The following ERC1 variants were observed in gnomAD, a reference collection of about 807,000 sequenced individuals.
ERC1 encodes the protein ELKS/RAB6-interacting/CAST family member 1, also known as RAB6 interacting protein 2.
ERC1 carries 56 observed loss-of-function variants against 132.0 expected under a neutral mutation model. The observed-to-expected ratio is 0.42, with a 90% CI of 0.34 to 0.53. ERC1 has a LOEUF of 0.53. ERC1 is among the 20% of genes least tolerant of loss of function. The pLI is 0.03. For missense variants in ERC1, 1,202 were observed against 1,349.9 expected (o/e 0.89, Z 1.72); for synonymous variants, 478 against 476.1 (o/e 1.00, Z -0.05).
At chr12:1,324,185 T>C (rs1325951780) in intron 15 of ERC1, among the ~76,000 whole-genome samples, 1 of 152,236 alleles carries the variant, frequency 6.6e-6, no homozygotes, top group East Asian at 1.9e-4. Context: ...CGTATCCGTC[T>C]ATTCTGGATT....
intron 2 of ERC1, among the ~76,000 whole-genome samples, chr12:1,074,581 C>A (rs984283030): frequency 6.6e-6 from 1 of 152,168 alleles, no homozygotes; most frequent in Non-Finnish European, 1.5e-5. Context: ...CAGGCATGAG[C>A]CACTGCACCC....
intron 12 of ERC1, among the ~76,000 whole-genome samples, chr12:1,205,431 A>G (rs1316794950): frequency 6.7e-6 from 1 of 150,166 alleles, no homozygotes; most frequent in Non-Finnish European, 1.5e-5. Flanking sequence ...ATATATATAG[A>G]TATATATTTG....
intron 15 of ERC1, among the ~76,000 whole-genome samples, chr12:1,304,421 A>C (rs2080673360): frequency 6.6e-6 from 1 of 152,200 alleles, no homozygotes; most frequent in African/African-American, 2.4e-5. Flanking sequence ...GTCCCGTGCC[A>C]AGTCATTGAG....
At chr12:1,379,337 A>G (rs1266107056) in intron 16 of ERC1, among the ~76,000 whole-genome samples, 1 of 152,202 alleles carries the variant, frequency 6.6e-6, no homozygotes, top group Non-Finnish European at 1.5e-5. Flanking sequence ...CTGCATATCA[A>G]GGATCCCAGT....
At chr12:1,187,271 A>G (rs1955202411) in intron 11 of ERC1, among the ~76,000 whole-genome samples, 1 of 152,188 alleles carries the variant, frequency 6.6e-6, no homozygotes, top group African/African-American at 2.4e-5. Flanking sequence ...TAAAGTACAA[A>G]TTAACTCAGC....
intron 13 of ERC1, among the ~76,000 whole-genome samples, chr12:1,247,007 T>C (rs974571636): frequency 6.6e-6 from 1 of 152,160 alleles, no homozygotes; most frequent in Admixed American, 6.5e-5. Context: ...TGCATACCTA[T>C]AGTCCCAGCT....
intron 2 of ERC1, among the ~76,000 whole-genome samples, chr12:1,069,631 G>A (rs1939958250): frequency 6.6e-6 from 1 of 152,142 alleles, no homozygotes; most frequent in African/African-American, 2.4e-5. Flanking sequence ...TAGGGCAGAT[G>A]TATTTTGGAA....
chr12:1,277,567 A>G (rs973151649), intron 14 of ERC1, among the ~76,000 whole-genome samples: 2 of 152,218 alleles, frequency 1.3e-5, no homozygotes, highest in African/African-American at 4.8e-5. Context: ...ATAAGTCTTA[A>G]CTGATTTCTG....
intron 12 of ERC1, among the ~76,000 whole-genome samples, chr12:1,219,470 G>A (rs997449945): frequency 2.6e-5 from 4 of 151,968 alleles, no homozygotes; most frequent in African/African-American, 7.3e-5. Flanking sequence ...CTATTAGTAA[G>A]CCCGATCACA....
intron 2 of ERC1, among the ~76,000 whole-genome samples, chr12:1,031,578 A>G (rs568163784): frequency 4.6e-5 from 7 of 152,324 alleles, no homozygotes; most frequent in Non-Finnish European, 8.8e-5. Flanking sequence ...TGATAATTTT[A>G]TTCTTTCTCA....
intron 6 of ERC1, 23 bp from the exon 7 acceptor site, chr12:1,115,843 A>G (rs2154210561): frequency 6.2e-7 from 1 of 1,601,342 alleles, no homozygotes; most frequent in Admixed American, 1.7e-5. Context: ...TTTTTTCCTT[A>G]AAGTGTTTTA....
chr12:1,226,222 A>G (rs1407635345), intron 12 of ERC1, among the ~76,000 whole-genome samples: 1 of 152,224 alleles, frequency 6.6e-6, no homozygotes, highest in Admixed American at 6.5e-5. Context: ...TGGAGAATGA[A>G]TTATCTCATC....
At chr12:1,396,898 A>G (rs1440850616) in intron 16 of ERC1, among the ~76,000 whole-genome samples, 2 of 152,154 alleles carry the variant, frequency 1.3e-5, no homozygotes, top group Non-Finnish European at 2.9e-5. Flanking sequence ...CGTTCAGTCA[A>G]ACGCCTACCA....
intron 15 of ERC1, among the ~76,000 whole-genome samples, chr12:1,303,955 G>GAAAAAAAA (rs59587052): frequency 0.046 from 3,993 of 85,936 alleles, 92 homozygotes; most frequent in East Asian, 0.092. Flanking sequence ...CTCCATCTCA[G>GAAAAAAAA]AAAAAAAAAA....
intron 15 of ERC1, among the ~76,000 whole-genome samples, chr12:1,346,214 T>G (rs1231033213): frequency 1.3e-5 from 2 of 152,220 alleles, no homozygotes; most frequent in African/African-American, 2.4e-5. Flanking sequence ...CCTGTATTCA[T>G]CCTGGTAAGC....
chr12:1,110,121 A>T, intron 4 of ERC1, 71 bp from the exon 5 acceptor site: 1 of 1,281,520 alleles, frequency 7.8e-7, no homozygotes, highest in Non-Finnish European at 1.1e-6. Context: ...TAACTTCTTT[A>T]AATATCATGT....
intron 2 of ERC1, among the ~76,000 whole-genome samples, chr12:1,042,504 C>G (rs1261322288): frequency 1.3e-5 from 2 of 151,940 alleles, no homozygotes; most frequent in African/African-American, 4.8e-5. Flanking sequence ...TGCCACTATG[C>G]TCACCTAATT....
At chr12:1,117,322 T>A (rs971253153) in intron 7 of ERC1, among the ~76,000 whole-genome samples, 2 of 152,228 alleles carry the variant, frequency 1.3e-5, no homozygotes, top group Non-Finnish European at 2.9e-5. Flanking sequence ...AACTGTTTCA[T>A]GTAATATTTT....
rs1011517894 is a variant in ERC1 at position 1,494,635 on chromosome 12, G to A, written c.*4405G>A. The stretch of plus-strand genomic sequence containing the variant: ...GTTGTAGGTACTTCTCCTGACTCTT[G>A]GGGGAGAAGTGGTTTTAGGGATTGA... On this transcript the variant is annotated 3_prime_UTR_variant, in exon 19 of 19. Coordinates refer to ENST00000360905, the MANE Select transcript of ERC1 (RefSeq NM_178040.4). The A allele has an allele frequency of 6.1e-5, 14 of 230,884 alleles. No individual in the cohort carries two copies. Among genetic ancestry groups the A allele is most frequent in the African/African-American group, 2.9e-4 (13 of 45,152 alleles). 14.3% of individuals were successfully genotyped at this position (230,884 alleles called of 1,614,324 possible).
Sources: gnomAD v4.1 joint callset for allele counts (sites outside exome capture counted in the v4.1 genomes callset) on GRCh38, gnomAD v4.1.1 for gene constraint, MANE v1.5 for transcripts, NCBI Gene and HGNC (gene_info 2026-07-23, HGNC 2026-07-21) for gene names.